The following ARHGAP15 variants were observed in gnomAD, a reference collection of about 807,000 sequenced individuals.
The protein encoded by ARHGAP15 is rho GTPase-activating protein 15.
In ARHGAP15, 51 loss-of-function variants were observed where a neutral mutation model predicts 63.7. That is an observed-to-expected ratio of 0.80 (90% confidence interval 0.64 to 1.01). The LOEUF (loss-of-function observed/expected upper bound fraction) is 1.01. Ranked by LOEUF, ARHGAP15 falls within the 50% of genes least tolerant of loss-of-function variation. The pLI is 0.00. For missense variants in ARHGAP15, 560 were observed against 564.6 expected, an observed-to-expected ratio of 0.99 and a Z score of 0.08; for synonymous variants, 191 against 193.8, an observed-to-expected ratio of 0.99 and a Z score of 0.12.
intron 11 of ARHGAP15, among the ~76,000 whole-genome samples, chr2:143,571,454 T>G (rs1696450276): frequency 6.6e-6 from 1 of 152,210 alleles, no homozygotes; most frequent in Admixed American, 6.5e-5. Context: ...TTTGAATGAG[T>G]TGCTAAGAGT....
rs192669364 is a variant in ARHGAP15, at chr2:143,556,658, A to G, written c.1003+173A>G. ...AAAGATAACCAACTAGTTTATCTAG[A>G]AAAGAATAGCATATACAGATAAACA... On this transcript the variant is annotated intron_variant, in intron 11 of 13. Transcript: ENST00000295095. Among the ~76,000 whole-genome samples, 45 of 152,274 alleles carry G rather than the reference A, an allele frequency of 3.0e-4. No individual in the cohort carries two copies. In the East Asian group the frequency reaches 7.5e-3, roughly 25 times the overall value.
chr2:143,369,707 A>T (rs1686458311), intron 6 of ARHGAP15, among the ~76,000 whole-genome samples: 1 of 152,140 alleles, frequency 6.6e-6, no homozygotes, highest in Non-Finnish European at 1.5e-5. Flanking sequence ...ATCCATTGTT[A>T]TATACTGAGA....
intron 12 of ARHGAP15, among the ~76,000 whole-genome samples, chr2:143,664,677 T>C (rs976069749): frequency 6.6e-6 from 1 of 151,790 alleles, no homozygotes; most frequent in African/African-American, 2.4e-5. Context: ...CTAGCAAGAC[T>C]AATAAAGAAA....
At chr2:143,497,207 C>T (rs1193726488) in intron 9 of ARHGAP15, among the ~76,000 whole-genome samples, 1 of 152,142 alleles carries the variant, frequency 6.6e-6, no homozygotes, top group African/African-American at 2.4e-5. Flanking sequence ...ACAAAACCTC[C>T]CCTTCCACCC....
intron 13 of ARHGAP15, among the ~76,000 whole-genome samples, chr2:143,704,676 G>A (rs932500378): frequency 1.3e-5 from 2 of 152,136 alleles, no homozygotes; most frequent in South Asian, 4.1e-4. Flanking sequence ...TGAGGTTTTA[G>A]CTTTCATGAT....
intron 6 of ARHGAP15, among the ~76,000 whole-genome samples, chr2:143,307,605 C>G (rs944491891): frequency 6.6e-6 from 1 of 151,834 alleles, no homozygotes; most frequent in Non-Finnish European, 1.5e-5. Flanking sequence ...AGAGGTTGAT[C>G]TGGAGGTAAC....
intron 9 of ARHGAP15, 96 bp from the exon 10 acceptor site, chr2:143,519,170 G>A: frequency 1.1e-6 from 1 of 911,864 alleles, no homozygotes; most frequent in East Asian, 2.7e-5. Context: ...TATGCAAGAT[G>A]AAGATTTCAG....
chr2:143,723,827 G>A (rs1685166178), intron 13 of ARHGAP15, among the ~76,000 whole-genome samples: 1 of 152,190 alleles, frequency 6.6e-6, no homozygotes, highest in South Asian at 2.1e-4. Context: ...TAGACACAGA[G>A]AAAAACTGTA....
At chr2:143,348,865 T>A (rs946384589) in intron 6 of ARHGAP15, among the ~76,000 whole-genome samples, 16 of 152,176 alleles carry the variant, frequency 1.1e-4, no homozygotes, top group African/African-American at 3.1e-4. Flanking sequence ...GAGATTTACC[T>A]CCAATCTTCC....
intron 8 of ARHGAP15, among the ~76,000 whole-genome samples, chr2:143,445,382 C>T (rs1690090132): frequency 1.3e-5 from 2 of 151,828 alleles, no homozygotes; most frequent in South Asian, 4.1e-4. Flanking sequence ...AGGCAGGTAT[C>T]GACCTCCTGA....
intron 12 of ARHGAP15, among the ~76,000 whole-genome samples, chr2:143,640,208 T>G (rs1386936166): frequency 6.6e-6 from 1 of 152,080 alleles, no homozygotes; most frequent in African/African-American, 2.4e-5. Flanking sequence ...AACAATGTGC[T>G]TTGTGGTGGT....
chr2:143,250,349 G>A (rs2104976586), intron 5 of ARHGAP15, among the ~76,000 whole-genome samples, 162 bp from the exon 6 acceptor site: 1 of 151,750 alleles, frequency 6.6e-6, no homozygotes, highest in Non-Finnish European at 1.5e-5. Context: ...AAAAAATTAG[G>A]TCCCAAATGA....
At chr2:143,733,633 G>T (rs1347657797) in intron 13 of ARHGAP15, among the ~76,000 whole-genome samples, 1 of 152,198 alleles carries the variant, frequency 6.6e-6, no homozygotes, top group Non-Finnish European at 1.5e-5. Flanking sequence ...CCCAACTCGT[G>T]TTGTAAGACA....
At chr2:143,170,998 G>T (rs913792052) in intron 2 of ARHGAP15, among the ~76,000 whole-genome samples, 1 of 152,024 alleles carries the variant, frequency 6.6e-6, no homozygotes, top group Non-Finnish European at 1.5e-5. Context: ...TAGGTGGCTA[G>T]TAACATCTAA....
At chr2:143,643,491 T>C (rs1680715499) in intron 12 of ARHGAP15, among the ~76,000 whole-genome samples, 1 of 131,672 alleles carries the variant, frequency 7.6e-6, no homozygotes, top group African/African-American at 2.9e-5. Flanking sequence ...ACTGGTAGCA[T>C]CAGAATCACC....
intron 6 of ARHGAP15, among the ~76,000 whole-genome samples, chr2:143,309,294 C>T (rs1683328152): frequency 6.6e-6 from 1 of 152,084 alleles, no homozygotes; most frequent in African/African-American, 2.4e-5. Context: ...CAACATTATA[C>T]AGATACCATT....
In ARHGAP15 at chr2:143,165,475, AG is replaced by A. The variant is rs1400247267; in HGVS notation, c.165+9822del. Among the ~76,000 whole-genome samples, 5 of 152,248 alleles carry A rather than the reference AG, an allele frequency of 3.3e-5. 1 individual carries two copies. The highest frequency in any genetic ancestry group is 1.2e-4 in the African/African-American group (5 of 41,576). ...CATGTAGCACAAAGTGACCCAATAT[AG>A]GAAGACAGGAAAACAAAGTGACAGT... On this transcript the variant is annotated intron_variant, in intron 2 of 13. Transcript: ENST00000295095.
chr2:143,334,160 A>T (rs1684671230), intron 6 of ARHGAP15, among the ~76,000 whole-genome samples: 2 of 152,200 alleles, frequency 1.3e-5, no homozygotes, highest in Admixed American at 1.3e-4. Context: ...GTAGGAACTG[A>T]ATTAATCTAG....
Position 143,250,538 on chromosome 2 carries a change from G to C in ARHGAP15, c.412G>C (p.Asp138His). The C allele has an allele frequency of 6.2e-7, 1 of 1,613,408 alleles. No homozygotes were observed. The highest frequency in any genetic ancestry group is 8.5e-7 in the Non-Finnish European group (1 of 1,179,494). Reference sequence around the variant, plus strand: ...AACTGGGCACAAACCAGAAAGTGTGGATTTGTGTGGAGCACACATTGAATG... The same window carrying C: ...AACTGGGCACAAACCAGAAAGTGTGCATTTGTGTGGAGCACACATTGAATG... The part of the protein sequence containing the change: ...MKTGHKPESV[D>H]LCGAHIEWAK... The change falls in exon 6 of 14, where the codon GAT becomes CAT. Residue 138 changes from aspartate to histidine, a missense_variant. Transcript: ENST00000295095.
Sources: allele counts gnomAD v4.1 joint callset (sites outside exome capture counted in the v4.1 genomes callset), GRCh38; gene constraint gnomAD v4.1.1; transcripts MANE v1.5; gene names NCBI Gene and HGNC (gene_info 2026-07-23, HGNC 2026-07-21).